Variants in AFG2A observed in about 807,000 individuals in gnomAD.
AFG2A encodes AAA ATPase AFG2A.
the AFG2A span, among the ~76,000 whole-genome samples, chr4:123,051,130 C>T: frequency 2.0e-5 from 3 of 150,554 alleles, no homozygotes; most frequent in Non-Finnish European, 2.9e-5. Context: ...TTGACCATTT[C>T]GATACATTTT....
chr4:123,101,219 AT>A, the AFG2A span, among the ~76,000 whole-genome samples: 1 of 151,968 alleles, frequency 6.6e-6, no homozygotes, highest in African/African-American at 2.4e-5. Flanking sequence ...CATGGAGATA[AT>A]TAGGGGATGT....
chr4:123,064,132 A>G, the AFG2A span, among the ~76,000 whole-genome samples: 124,998 of 152,168 alleles, frequency 0.82, 52,835 homozygotes, highest in East Asian at 0.97. Flanking sequence ...TCTCTTCTGT[A>G]TGTTCATTTA....
the AFG2A span, among the ~76,000 whole-genome samples, chr4:123,068,747 T>C: frequency 6.6e-6 from 1 of 151,914 alleles, no homozygotes; most frequent in Admixed American, 6.6e-5. Flanking sequence ...TTTTTTTGAA[T>C]AAGGGAATAG....
the AFG2A span, among the ~76,000 whole-genome samples, chr4:123,166,275 G>A: frequency 1.3e-5 from 2 of 152,108 alleles, no homozygotes; most frequent in African/African-American, 2.4e-5. Context: ...ATATAAAGCA[G>A]GAAGAAAAAC....
At chr4:123,003,744 C>T in the AFG2A span, among the ~76,000 whole-genome samples, 4 of 152,136 alleles carry the variant, frequency 2.6e-5, no homozygotes, top group Non-Finnish European at 5.9e-5. Context: ...TTGGGGTGCT[C>T]GGTGGTCAGG....
chr4:123,264,012 A>G, the AFG2A span, among the ~76,000 whole-genome samples: 3 of 152,236 alleles, frequency 2.0e-5, no homozygotes, highest in African/African-American at 7.2e-5. Context: ...TATATACACC[A>G]TGGAATACTA....
At chr4:123,214,015 A>G in the AFG2A span, among the ~76,000 whole-genome samples, 1 of 152,156 alleles carries the variant, frequency 6.6e-6, no homozygotes, top group South Asian at 2.1e-4. Context: ...GTAATGTATC[A>G]GTTATTTTGG....
At chr4:123,005,055 C>T in the AFG2A span, among the ~76,000 whole-genome samples, 9 of 152,028 alleles carry the variant, frequency 5.9e-5, no homozygotes, top group South Asian at 4.2e-4. Context: ...GTGGTATGTC[C>T]GGTCTTTCAT....
At chr4:122,941,043 G>A in the AFG2A span, among the ~76,000 whole-genome samples, 30 of 150,204 alleles carry the variant, frequency 2.0e-4, no homozygotes, top group South Asian at 6.3e-4. Context: ...TGGCCTTGTA[G>A]TATAGTTTGA....
chr4:123,079,365 G>A, the AFG2A span, among the ~76,000 whole-genome samples: 1 of 152,146 alleles, frequency 6.6e-6, no homozygotes, highest in African/African-American at 2.4e-5. Context: ...TTCATTGGGA[G>A]AAATAGAGAG....
the AFG2A span, among the ~76,000 whole-genome samples, chr4:123,251,802 T>A: frequency 3.3e-5 from 5 of 152,250 alleles, no homozygotes; most frequent in South Asian, 6.2e-4. Context: ...GTGTACAGAA[T>A]TGTCTGCAAA....
chr4:123,027,676 C>T, the AFG2A span, among the ~76,000 whole-genome samples: 1 of 152,110 alleles, frequency 6.6e-6, no homozygotes, highest in Admixed American at 6.5e-5. Flanking sequence ...ATATAAAGAG[C>T]TGTCTTGTTC....
the AFG2A span, among the ~76,000 whole-genome samples, chr4:122,967,138 C>T: frequency 6.6e-6 from 1 of 152,140 alleles, no homozygotes; most frequent in African/African-American, 2.4e-5. Flanking sequence ...TGCAGTGGCT[C>T]ACACCTGCAA....
chr4:123,003,726 C>T, the AFG2A span, among the ~76,000 whole-genome samples: 1 of 152,016 alleles, frequency 6.6e-6, no homozygotes, highest in Non-Finnish European at 1.5e-5. Flanking sequence ...CTGGGGGGTG[C>T]CTTCCAGTTG....
At chr4:123,306,227 G>A in the AFG2A span, among the ~76,000 whole-genome samples, 1 of 151,906 alleles carries the variant, frequency 6.6e-6, no homozygotes, top group Non-Finnish European at 1.5e-5. Flanking sequence ...CTTTTCCTAC[G>A]TCCTAGGAAT....
the AFG2A span, among the ~76,000 whole-genome samples, chr4:123,121,346 G>A: frequency 3.3e-5 from 5 of 151,762 alleles, no homozygotes; most frequent in African/African-American, 9.7e-5. Flanking sequence ...TAGTCTTATT[G>A]TACCGTGTTT....
At chr4:123,243,185 G>A in the AFG2A span, among the ~76,000 whole-genome samples, 15 of 152,180 alleles carry the variant, frequency 9.9e-5, no homozygotes, top group African/African-American at 3.1e-4. Context: ...GGAAGACAGT[G>A]TGGTGATTCC....
the AFG2A span, among the ~76,000 whole-genome samples, chr4:123,210,344 C>G: frequency 6.6e-6 from 1 of 152,080 alleles, no homozygotes; most frequent in African/African-American, 2.4e-5. Flanking sequence ...AATTTTGTGC[C>G]CTTTGGCCAG....
At chr4:123,111,566 T>G in the AFG2A span, among the ~76,000 whole-genome samples, 2 of 152,208 alleles carry the variant, frequency 1.3e-5, no homozygotes, top group Non-Finnish European at 2.9e-5. Context: ...CCTTTCTATG[T>G]CTTATCATGA....
Sources: allele counts gnomAD v4.1 joint callset (sites outside exome capture counted in the v4.1 genomes callset), GRCh38; gene constraint gnomAD v4.1.1; transcripts MANE v1.5; gene names NCBI Gene and HGNC (gene_info 2026-07-23, HGNC 2026-07-21).